RPTOR: variants seen among roughly 807,000 people sequenced by gnomAD.
RPTOR encodes regulatory associated protein of MTOR complex 1.
In RPTOR, 21 loss-of-function variants were observed where a neutral mutation model predicts 169.9. That is an observed-to-expected ratio of 0.12 (90% CI 0.09 to 0.18). The LOEUF (loss-of-function observed/expected upper bound fraction) is 0.18, where lower values mean the gene tolerates loss of function less well. Among genes scored for constraint, RPTOR ranks in the 10% least tolerant of loss-of-function variants. The probability of loss-of-function intolerance (pLI) is 1.00; values close to 1 mark genes in which losing one functional copy is unlikely to be tolerated. For missense variants in RPTOR, 1,133 were observed against 1,855.9 expected (o/e 0.61, Z 7.16); for synonymous variants, 732 against 753.2 (o/e 0.97, Z 0.46).
At chr17:80,810,994 C>T (rs1486384853) in intron 7 of RPTOR, among the ~76,000 whole-genome samples, 1 of 149,140 alleles carries the variant, frequency 6.7e-6, no homozygotes, top group Non-Finnish European at 1.5e-5. Flanking sequence ...TCTTAAGATC[C>T]TCTATGTGTG....
At chr17:80,758,367 G>A (rs1054951218) in intron 6 of RPTOR, among the ~76,000 whole-genome samples, 4 of 152,162 alleles carry the variant, frequency 2.6e-5, no homozygotes, top group African/African-American at 9.7e-5. Flanking sequence ...AGAGTGGACT[G>A]AAGTCCAAGT....
chr17:80,545,340 G>C lies in RPTOR; in HGVS notation c.-290G>C, dbSNP rs938532716. ...CTCCCCTCGCAGCCCCTCTGGAAAC[G>C]TACAGCCTCAGGAGCAGCCAGTGGC... On this transcript the variant is annotated 5_prime_UTR_variant, in exon 1 of 34. Transcript: ENST00000306801. The C allele has an allele frequency of 3.3e-6, 1 of 300,852 alleles. No individual in the cohort carries two copies. The highest frequency in any genetic ancestry group is 5.0e-5 in the Admixed American group (1 of 20,116). The allele number at this position is 300,852 out of a possible 1,614,324, so 18.6% of individuals were successfully genotyped here.
intron 25 of RPTOR, among the ~76,000 whole-genome samples, chr17:80,941,595 C>G (rs1216493742): frequency 2.6e-5 from 4 of 152,220 alleles, no homozygotes; most frequent in African/African-American, 9.6e-5. Flanking sequence ...TCAAGCTGCC[C>G]CCAACCAAAT....
At chr17:80,578,915 C>T (rs908091701) in intron 1 of RPTOR, among the ~76,000 whole-genome samples, 15 of 152,154 alleles carry the variant, frequency 9.9e-5, no homozygotes, top group African/African-American at 2.9e-4. Flanking sequence ...CCTCCCTCCT[C>T]GCCTGCCAGC....
chr17:80,844,803 A>G lies in RPTOR; in HGVS notation c.1213-1670A>G, dbSNP rs2589158. Among the ~76,000 whole-genome samples the G allele has an allele frequency of 0.29, 43,427 of 152,028 alleles. 8,823 individuals are homozygous for G. The highest frequency in any genetic ancestry group is 0.58 in the African/African-American group (24,142 of 41,432). ...CGTTCGCCTGTCCACATGTGTCCAC[A>G]TTCACTGGAACCCGGGGCACAGCCG... On this transcript the variant is annotated intron_variant, in intron 10 of 33. Transcript: ENST00000306801. The surrounding 1 kb of genome is among the most constrained non-coding windows in gnomAD (Gnocchi z 4.7).
chr17:80,717,471 G>T (rs963367807), intron 4 of RPTOR, among the ~76,000 whole-genome samples: 16 of 152,134 alleles, frequency 1.1e-4, no homozygotes, highest in Admixed American at 9.8e-4. Flanking sequence ...TTCCCCCACT[G>T]TGTTATTCCA....
At chr17:80,713,975 G>C (rs900031788) in intron 4 of RPTOR, among the ~76,000 whole-genome samples, 1 of 152,104 alleles carries the variant, frequency 6.6e-6, no homozygotes, top group Non-Finnish European at 1.5e-5. Context: ...TCTCGCTTTG[G>C]TTGCCCAGGC....
chr17:80,939,034 T>C (rs1436962883), intron 24 of RPTOR, among the ~76,000 whole-genome samples: 2 of 152,246 alleles, frequency 1.3e-5, no homozygotes, highest in Non-Finnish European at 2.9e-5. Flanking sequence ...AGAAAGCGAC[T>C]TTTTAATAAC....
intron 33 of RPTOR, 86 bp downstream of exon 33, chr17:80,963,143 C>A: frequency 7.8e-7 from 1 of 1,283,186 alleles, no homozygotes; most frequent in Non-Finnish European, 1.1e-6. Flanking sequence ...AGGGGTCCTG[C>A]CTGGCTACCC....
At chr17:80,553,093 A>G (rs1158780071) in intron 1 of RPTOR, among the ~76,000 whole-genome samples, 1 of 152,260 alleles carries the variant, frequency 6.6e-6, no homozygotes, top group Non-Finnish European at 1.5e-5. Context: ...GAATCAAGAC[A>G]GCGGTGCCAA....
Position 80,892,764 on chromosome 17 carries a change from T to C in RPTOR, c.2137T>C (p.Cys713Arg), listed in dbSNP as rs1301241620. The change falls in exon 19 of 34, where the codon TGC becomes CGC. Residue 713 changes from cysteine (C) to arginine (R), a missense_variant. By Grantham distance (180) the Cys-to-Arg change is radical. Transcript: ENST00000306801. ...TTTGACCCCAGTGCGAGACAGCCCGTGCACCCCCAGACTTCGTTCTGTGAG... is the reference window on the plus strand; with the variant it reads ...TTTGACCCCAGTGCGAGACAGCCCGCGCACCCCCAGACTTCGTTCTGTGAG... ...GSLTPVRDSPCTPRLRSVSSY... is the reference protein window; with the variant it reads ...GSLTPVRDSPRTPRLRSVSSY... 5 of 1,614,168 alleles carry C rather than the reference T, an allele frequency of 3.1e-6. No homozygotes were observed. The highest frequency in any genetic ancestry group is 4.2e-6 in the Non-Finnish European group (5 of 1,180,012).
At chr17:80,867,706 A>G (rs1218336067) in intron 13 of RPTOR, among the ~76,000 whole-genome samples, 1 of 152,252 alleles carries the variant, frequency 6.6e-6, no homozygotes, top group Non-Finnish European at 1.5e-5. Context: ...AAATCAATTT[A>G]TGTATATACA....
intron 6 of RPTOR, among the ~76,000 whole-genome samples, chr17:80,756,542 A>G (rs2066682623): frequency 6.6e-6 from 1 of 152,252 alleles, no homozygotes; most frequent in Admixed American, 6.5e-5. Context: ...ATGGTGGAAT[A>G]GAAGCCTCCA....
chr17:80,940,293 G>A (rs1461370452), intron 24 of RPTOR: 3 of 517,478 alleles, frequency 5.8e-6, no homozygotes, highest in East Asian at 3.3e-5. Context: ...ACACTGTGTC[G>A]GGTATGGCGG....
intron 6 of RPTOR, among the ~76,000 whole-genome samples, chr17:80,761,751 G>A (rs1054594808): frequency 1.3e-5 from 2 of 152,152 alleles, no homozygotes; most frequent in African/African-American, 2.4e-5. Context: ...TCTTCTGCCC[G>A]TTCAGTGCTC....
At chr17:80,897,295 G>A (rs2068419040) in intron 20 of RPTOR, among the ~76,000 whole-genome samples, 2 of 151,828 alleles carry the variant, frequency 1.3e-5, no homozygotes, top group Non-Finnish European at 2.9e-5. Flanking sequence ...TCTCTCTTGA[G>A]AGTAAACGAA....
intron 24 of RPTOR, among the ~76,000 whole-genome samples, chr17:80,937,676 T>C (rs1279502516): frequency 1.3e-5 from 2 of 152,220 alleles, no homozygotes; most frequent in African/African-American, 4.8e-5. Flanking sequence ...CCTTTTTTAC[T>C]GAAAAGCCTT....
At chr17:80,835,188 G>A (rs2067550281) in intron 9 of RPTOR, among the ~76,000 whole-genome samples, 1 of 152,144 alleles carries the variant, frequency 6.6e-6, no homozygotes, top group African/African-American at 2.4e-5. Context: ...TGGGAAAATT[G>A]AAATATATTT....
chr17:80,932,242 A>C (rs1337482425), intron 24 of RPTOR, among the ~76,000 whole-genome samples: 1 of 151,960 alleles, frequency 6.6e-6, no homozygotes, highest in Non-Finnish European at 1.5e-5. Flanking sequence ...ATGGTGGCTC[A>C]CACCTGTTAT....
Sources: gnomAD v4.1 joint callset for allele counts (sites outside exome capture counted in the v4.1 genomes callset) on GRCh38, gnomAD v4.1.1 for gene constraint, Gnocchi (gnomAD v3.1) non-coding constraint, MANE v1.5 for transcripts, NCBI Gene and HGNC (gene_info 2026-07-23, HGNC 2026-07-21) for gene names.